LTBP1: variants seen among roughly 807,000 people sequenced by gnomAD.
LTBP1 encodes the protein latent transforming growth factor beta binding protein 1.
A neutral mutation model predicts 207.6 loss-of-function variants in LTBP1; 129 were observed. That is an observed-to-expected ratio of 0.62 (90% CI 0.54 to 0.72). The LOEUF (loss-of-function observed/expected upper bound fraction) is 0.72, where lower values mean the gene tolerates loss of function less well. Ranked by LOEUF, LTBP1 falls within the 30% of genes least tolerant of loss-of-function variation. The pLI, the probability that LTBP1 is intolerant of heterozygous loss-of-function variation, is 0.00. For synonymous variants in LTBP1, 963 were observed against 833.7 expected, an observed-to-expected ratio of 1.16 and a Z score of -2.67; for missense variants, 2,281 against 2,217.2, an observed-to-expected ratio of 1.03 and a Z score of -0.58.
intron 9 of LTBP1, among the ~76,000 whole-genome samples, chr2:33,223,618 T>C (rs2091258903): frequency 6.6e-6 from 1 of 152,152 alleles, no homozygotes; most frequent in Non-Finnish European, 1.5e-5. Flanking sequence ...ATAAACCAAG[T>C]TATTGTTTTA....
intron 3 of LTBP1, among the ~76,000 whole-genome samples, chr2:33,101,581 T>G (rs1258572200): frequency 2.0e-5 from 3 of 152,212 alleles, no homozygotes; most frequent in African/African-American, 7.2e-5. Flanking sequence ...AGCTCAGGTT[T>G]GGTTCTTAGA....
intron 7 of LTBP1, among the ~76,000 whole-genome samples, chr2:33,207,198 T>G (rs1180707549): frequency 2.0e-5 from 3 of 151,866 alleles, no homozygotes; most frequent in Admixed American, 6.6e-5. Flanking sequence ...CTTAAGAGGG[T>G]TTTTTTTCCC....
chr2:33,130,647 A>G (rs1374855057), intron 4 of LTBP1, among the ~76,000 whole-genome samples: 3 of 152,078 alleles, frequency 2.0e-5, no homozygotes, highest in Non-Finnish European at 1.5e-5. Context: ...TTCACTCTGA[A>G]TATCTGTGGT....
chr2:33,042,342 T>C (rs17396766), intron 3 of LTBP1, among the ~76,000 whole-genome samples: 2 of 152,138 alleles, frequency 1.3e-5, no homozygotes, highest in Non-Finnish European at 1.5e-5. Flanking sequence ...CAGGGAAAAC[T>C]AAAATGGACT....
At chr2:33,367,275 A>G (rs2095001808) in intron 31 of LTBP1, among the ~76,000 whole-genome samples, 1 of 152,178 alleles carries the variant, frequency 6.6e-6, no homozygotes, top group South Asian at 2.1e-4. Flanking sequence ...ATTTTTCCCA[A>G]TTTTTAACAT....
intron 15 of LTBP1, 63 bp from the exon 16 acceptor site, chr2:33,273,593 G>A (rs2093364548): frequency 7.4e-7 from 1 of 1,347,470 alleles, no homozygotes. Flanking sequence ...AATACTTTGA[G>A]AGTAGCAGTG....
intron 2 of LTBP1, among the ~76,000 whole-genome samples, chr2:32,997,709 C>T (rs1302663632): frequency 3.9e-5 from 6 of 152,106 alleles, no homozygotes; most frequent in Non-Finnish European, 5.9e-5. Flanking sequence ...GCTGTGACAC[C>T]CTCAGGACGT....
intron 1 of LTBP1, among the ~76,000 whole-genome samples, chr2:32,948,487 G>C (rs1242360372): frequency 2.6e-5 from 4 of 152,194 alleles, no homozygotes; most frequent in Non-Finnish European, 5.9e-5. Flanking sequence ...GGTGATTCCA[G>C]GCCATGTGCC....
At chr2:33,059,498 G>C (rs1024352942) in intron 3 of LTBP1, among the ~76,000 whole-genome samples, 3 of 152,286 alleles carry the variant, frequency 2.0e-5, no homozygotes, top group African/African-American at 7.2e-5. Context: ...GTGCCCAGTG[G>C]AAGGGCTGAG....
intron 22 of LTBP1, among the ~76,000 whole-genome samples, 152 bp from the exon 23 acceptor site, chr2:33,309,280 CAA>C (rs200196283): frequency 0.04 from 2,759 of 69,398 alleles, 66 homozygotes; most frequent in African/African-American, 0.13. Context: ...GACTCCGTCT[CAA>C]AAAAAAAAAA....
intron 4 of LTBP1, among the ~76,000 whole-genome samples, chr2:33,124,489 T>C (rs1048952728): frequency 2.0e-5 from 3 of 152,228 alleles, no homozygotes; most frequent in African/African-American, 4.8e-5. Context: ...TTCATTATGA[T>C]ACCTGTCAAA....
At chr2:33,034,425 G>A (rs1367852327) in intron 3 of LTBP1, among the ~76,000 whole-genome samples, 1 of 152,132 alleles carries the variant, frequency 6.6e-6, no homozygotes, top group Non-Finnish European at 1.5e-5. Flanking sequence ...AAATTTTGTA[G>A]TGTGAATGTA....
Position 32,975,208 on chromosome 2 carries a change from G to T in LTBP1, c.565+26263G>T, listed in dbSNP as rs187507040. Reference sequence around the variant, plus strand: ...TAAGAATACTATATTTTGGCCCCCAGTCTCTTCTGGCTTAGACAGTATTTG... The same window carrying T: ...TAAGAATACTATATTTTGGCCCCCATTCTCTTCTGGCTTAGACAGTATTTG... On this transcript the variant is annotated intron_variant, in intron 2 of 33. Coordinates refer to ENST00000404816, the MANE Select transcript of LTBP1 (RefSeq NM_206943.4). Among the ~76,000 whole-genome samples, 502 of 152,308 alleles carry T rather than the reference G, an allele frequency of 3.3e-3. 4 individuals carry two copies. The highest frequency in any genetic ancestry group is 0.01 in the African/African-American group (420 of 41,566).
intron 7 of LTBP1, among the ~76,000 whole-genome samples, chr2:33,197,815 C>G (rs778671237): frequency 1.3e-5 from 2 of 152,186 alleles, no homozygotes; most frequent in Non-Finnish European, 2.9e-5. Flanking sequence ...CCTCGTTGCA[C>G]AAGCCTGTGC....
At chr2:33,086,663 A>G (rs1402323324) in intron 3 of LTBP1, among the ~76,000 whole-genome samples, 2 of 152,220 alleles carry the variant, frequency 1.3e-5, no homozygotes, top group African/African-American at 2.4e-5. Flanking sequence ...TAGGCTTTCT[A>G]TAAGCTTAGT....
At chr2:33,104,480 C>T (rs1572653215) in intron 3 of LTBP1, among the ~76,000 whole-genome samples, 1 of 152,194 alleles carries the variant, frequency 6.6e-6, no homozygotes, top group Admixed American at 6.5e-5. Flanking sequence ...CCAAACCCAG[C>T]GGCCTTTCCT....
At chr2:33,215,720 T>C (rs979202728) in intron 7 of LTBP1, among the ~76,000 whole-genome samples, 4 of 144,404 alleles carry the variant, frequency 2.8e-5, no homozygotes, top group Non-Finnish European at 4.5e-5. Context: ...TCTTTTGTTT[T>C]TTGTTTTTTT....
At chr2:33,224,445 A>AT (rs1370068249) in intron 9 of LTBP1, among the ~76,000 whole-genome samples, 2 of 152,108 alleles carry the variant, frequency 1.3e-5, no homozygotes, top group South Asian at 2.1e-4. Flanking sequence ...TTTGTTTGCC[A>AT]TTTTTTACCA....
intron 5 of LTBP1, among the ~76,000 whole-genome samples, chr2:33,170,466 T>A (rs981656075): frequency 6.6e-6 from 1 of 152,180 alleles, no homozygotes; most frequent in Non-Finnish European, 1.5e-5. Context: ...GCGCCCGCCA[T>A]TGCCCAGGCT....
Sources: gnomAD v4.1 joint callset for allele counts (sites outside exome capture counted in the v4.1 genomes callset) on GRCh38, gnomAD v4.1.1 for gene constraint, MANE v1.5 for transcripts, NCBI Gene and HGNC (gene_info 2026-07-23, HGNC 2026-07-21) for gene names.